Variants in UPK3B observed in about 807,000 individuals in gnomAD.
UPK3B encodes uroplakin 3B.
Under a neutral mutation model 27.6 loss-of-function variants are expected in UPK3B, and 21 were observed. That is an observed-to-expected ratio of 0.76 (90% confidence interval 0.54 to 1.10). UPK3B has a LOEUF of 1.10. Among genes scored for constraint, UPK3B ranks in the 50% least tolerant of loss-of-function variants. The pLI is 0.00. For missense variants in UPK3B, 306 were observed against 376.1 expected (o/e 0.81, Z 1.54); for synonymous variants, 141 against 162.3 (o/e 0.87, Z 1.00).
rs1014566485 is a variant in UPK3B at position 76,513,298 on chromosome 7, A to G, written c.541+135A>G. On this transcript the variant is annotated intron_variant, in intron 4 of 5. Transcript: ENST00000334348. ...CATGTCCAAGTCGGGCCCAGCCCCC[A>G]ACAGAACCTCATGCTGGGGGAGTGG... The G allele has an allele frequency of 7.0e-5, 57 of 818,766 alleles. No homozygotes were observed. In the African/African-American group the frequency reaches 9.4e-4, roughly 14 times the overall value. 50.7% of individuals were successfully genotyped at this position (818,766 alleles called of 1,614,324 possible). A position where few individuals can be genotyped will look rare whatever the true frequency, so the allele number is the denominator to read the frequency against.
Position 76,515,351 on chromosome 7 carries a change from A to T in UPK3B, c.*147A>T. On this transcript the variant is annotated 3_prime_UTR_variant, in exon 6 of 6. Coordinates refer to ENST00000334348, the MANE Select transcript of UPK3B (RefSeq NM_001347684.2). ...CACCCCGTACCCTGCCTGGAATCCC[A>T]GCACCAGCCCCCCTGCCTCTCCTCT... 1 of 1,494,542 alleles carries T rather than the reference A, an allele frequency of 6.7e-7. No individual in the cohort carries two copies. Among genetic ancestry groups the T allele is most frequent in the Non-Finnish European group, 8.9e-7 (1 of 1,122,548 alleles). 92.6% of individuals were successfully genotyped at this position (1,494,542 alleles called of 1,614,324 possible). A position where few individuals can be genotyped will look rare whatever the true frequency, so the allele number is the denominator to read the frequency against.
chr7:76,510,899 A>G lies in UPK3B; in HGVS notation c.86-4A>G. On this transcript the variant is annotated splice_polypyrimidine_tract_variant and splice_region_variant and intron_variant, in intron 1 of 5. Transcript: ENST00000334348. ...GGCTCACCTTTTGTCCCCCGTGGCC[A>G]CAGAGCTGGTGCCCTACACACCACA... 1 of 1,592,970 alleles carries G rather than the reference A, an allele frequency of 6.3e-7. No homozygotes were observed. The highest frequency in any genetic ancestry group is 1.1e-5 in the South Asian group (1 of 88,444).
At position 76,514,091 on chromosome 7, in the gene UPK3B, C is replaced by G. The variant is rs1250095512; in HGVS notation, c.671+15C>G. The G allele has an allele frequency of 3.7e-6, 6 of 1,613,942 alleles. No homozygotes were observed. The highest frequency in any genetic ancestry group is 1.1e-5 in the South Asian group (1 of 91,076). On this transcript the variant is annotated intron_variant, in intron 5 of 5. Transcript: ENST00000334348. ...ACCATGCGCTTGTGAGTGGGGACAC[C>G]CCCTCGGGCCCCTCTCCCACCCAGA... is the stretch of plus-strand genomic sequence containing the variant.
At position 76,515,363 on chromosome 7, in the gene UPK3B, C is replaced by G. The variant is rs1025750298; in HGVS notation, c.*159C>G. 19 of 1,496,854 alleles carry G rather than the reference C, an allele frequency of 1.3e-5. No individual in the cohort carries two copies. The highest frequency in any genetic ancestry group is 6.3e-5 in the Admixed American group (3 of 47,364). 92.7% of individuals were successfully genotyped at this position (1,496,854 alleles called of 1,614,324 possible). On this transcript the variant is annotated 3_prime_UTR_variant, in exon 6 of 6. Transcript: ENST00000334348. ...TGCCTGGAATCCCAGCACCAGCCCC[C>G]CTGCCTCTCCTCTGCCTTTCTGGTT...
chr7:76,513,931 G>C lies in UPK3B; in HGVS notation c.542-16G>C. On this transcript the variant is annotated splice_polypyrimidine_tract_variant and intron_variant, in intron 4 of 5. Coordinates refer to ENST00000334348, the MANE Select transcript of UPK3B (RefSeq NM_001347684.2). ...GGTCGAGGGGCAGCCCCTCTGAGCAGCTGGTGTGTGTGCAGGGAAGACCCC... is the reference window on the plus strand; with the variant it reads ...GGTCGAGGGGCAGCCCCTCTGAGCACCTGGTGTGTGTGCAGGGAAGACCCC... The C allele has an allele frequency of 1.2e-6, 2 of 1,613,392 alleles. No homozygotes were observed. The highest frequency in any genetic ancestry group is 1.3e-5 in the African/African-American group (1 of 74,856).
rs373543744 is a variant in UPK3B at position 76,511,678 on chromosome 7, C to T, written c.257C>T (p.Pro86Leu). The T allele has an allele frequency of 1.1e-5, 17 of 1,601,158 alleles. No homozygotes were observed. In the African/African-American group the frequency reaches 1.2e-4, roughly 11 times the overall value. ...GCAGCCTCCAGGGGCTTCCAGAACC[C>T]GGAGACACTGGCTGACATTCCGGCC... Reference protein sequence around the residue: ...FSNASRGFQNPETLADIPASP... With the variant: ...FSNASRGFQNLETLADIPASP... Residue 86 changes from proline to leucine, a missense_variant, in exon 3 of 6, where the codon CCG (proline) becomes CTG (leucine). By Grantham distance (98) the Pro-to-Leu change is moderately conservative (BLOSUM62 -3). Around this residue, in one of 4 missense-constraint regions of UPK3B, gnomAD observed 78 missense variants for 120.2 expected, o/e 0.65. Coordinates refer to ENST00000334348, the MANE Select transcript of UPK3B (RefSeq NM_001347684.2).
chr7:76,514,898 T>TC, intron 5 of UPK3B, 147 bp from the exon 6 acceptor site: 1 of 1,051,236 alleles, frequency 9.5e-7, no homozygotes, highest in East Asian at 2.7e-5. Context: ...AGAGCCAGAC[T>TC]CCATCTCAAA....
intron 3 of UPK3B, among the ~76,000 whole-genome samples, chr7:76,512,189 T>G: frequency 6.7e-6 from 1 of 148,534 alleles, no homozygotes; most frequent in Non-Finnish European, 1.5e-5. Flanking sequence ...GGCAGGAAAC[T>G]CGGGGGCCGA....
chr7:76,514,016 T>C lies in UPK3B; in HGVS notation c.611T>C (p.Ile204Thr), dbSNP rs1225288871. The C allele has an allele frequency of 2.5e-6, 4 of 1,613,758 alleles. No individual in the cohort carries two copies. The highest frequency in any genetic ancestry group is 3.4e-6 in the Non-Finnish European group (4 of 1,179,930). Reference sequence around the variant, plus strand: ...GGCAGCATGATCGTCATTACCTCCATCCTCTCTTCTCTGGCCGGCCTCCTA... The same window carrying C: ...GGCAGCATGATCGTCATTACCTCCACCCTCTCTTCTCTGGCCGGCCTCCTA... ...RSGSMIVITS[I>T]LSSLAGLLLL... Residue 204 changes from isoleucine (I) to threonine (T), a missense_variant, in exon 5 of 6, where the codon ATC becomes ACC. By Grantham distance (89) the Ile-to-Thr change is moderately conservative. Around this residue, in one of 4 missense-constraint regions of UPK3B, gnomAD observed 174 missense variants for 166.6 expected, o/e 1.04. Coordinates refer to ENST00000334348, the MANE Select transcript of UPK3B (RefSeq NM_001347684.2).
intron 2 of UPK3B, among the ~76,000 whole-genome samples, chr7:76,511,317 G>A (rs1442823191): frequency 2.6e-5 from 4 of 152,108 alleles, no homozygotes; most frequent in Non-Finnish European, 2.9e-5. Context: ...CTGAATCCAA[G>A]TAGTTCTTCC....
Position 76,510,694 on chromosome 7 carries a change from GCTC to G in UPK3B, c.48_50del (p.Leu17del). On this transcript the variant is annotated inframe_deletion, in exon 1 of 6. Transcript: ENST00000334348. ...GGCAGCCTCACCTAGGGCTGCAGAT[GCTC>G]CTCCTGGCGTTGAACTGTCTCCGGC... 4.7e-6 allele frequency: 7 copies of G among 1,502,404 alleles called. No individual in the cohort carries two copies. Among genetic ancestry groups the G allele is most frequent in the Non-Finnish European group, 6.2e-6 (7 of 1,123,426 alleles). The allele number at this position is 1,502,404 out of a possible 1,614,324, so 93.1% of individuals were successfully genotyped here.
chr7:76,514,816 G>A (rs1812668978), intron 5 of UPK3B, among the ~76,000 whole-genome samples: 1 of 150,960 alleles, frequency 6.6e-6, no homozygotes, highest in Non-Finnish European at 1.5e-5. Flanking sequence ...TGAGGCAGGA[G>A]AATCGTTTGA....
chr7:76,515,318 C>T lies in UPK3B; in HGVS notation c.*114C>T, dbSNP rs946101100. The T allele has an allele frequency of 3.3e-6, 5 of 1,520,022 alleles. No individual in the cohort carries two copies. Among genetic ancestry groups the T allele is most frequent in the Non-Finnish European group, 4.4e-6 (5 of 1,131,088 alleles). The allele number at this position is 1,520,022 out of a possible 1,614,324, so 94.2% of individuals were successfully genotyped here. The stretch of plus-strand genomic sequence containing the variant: ...CTCAGGGCTCCTTGCCTTTCCCCCC[C>T]ACCAGCACACCCCGTACCCTGCCTG... On this transcript the variant is annotated 3_prime_UTR_variant, in exon 6 of 6. Transcript: ENST00000334348.
chr7:76,514,524 T>C (rs1367588557), intron 5 of UPK3B, among the ~76,000 whole-genome samples: 1 of 152,102 alleles, frequency 6.6e-6, no homozygotes, highest in Non-Finnish European at 1.5e-5. Context: ...CTCTGGTGGT[T>C]TAGTAAGCTG....
chr7:76,514,331 C>A (rs1444821167), intron 5 of UPK3B, among the ~76,000 whole-genome samples: 1 of 152,090 alleles, frequency 6.6e-6, no homozygotes, highest in Admixed American at 6.5e-5. Context: ...GGGCAGCGCC[C>A]CTCCCAGGGC....
At chr7:76,510,773 A>T in intron 1 of UPK3B, 36 bp downstream of exon 1, 4 of 1,576,210 alleles carry the variant, frequency 2.5e-6, no homozygotes, top group Non-Finnish European at 2.6e-6. Context: ...GTCCAGCCAG[A>T]CCCAAGGGGC....
At position 76,514,144 on chromosome 7, in the gene UPK3B, C is replaced by T. The variant is rs1812645944; in HGVS notation, c.671+68C>T. On this transcript the variant is annotated intron_variant, in intron 5 of 5. Coordinates refer to ENST00000334348, the MANE Select transcript of UPK3B (RefSeq NM_001347684.2). Reference sequence around the variant, plus strand: ...CCCTCTGTTGAATTGGTCCCAGTGTCTGGAAGCCCTCCAGGCATGCCATGG... The same window carrying T: ...CCCTCTGTTGAATTGGTCCCAGTGTTTGGAAGCCCTCCAGGCATGCCATGG... 5 of 1,608,264 alleles carry T rather than the reference C, an allele frequency of 3.1e-6. No homozygotes were observed. The East Asian group carries it at 1.1e-4, about 36-fold the overall frequency.
At chr7:76,513,225 G>A (rs1812597865) in intron 4 of UPK3B, 62 bp downstream of exon 4, 2 of 1,494,666 alleles carry the variant, frequency 1.3e-6, no homozygotes, top group Admixed American at 3.5e-5. Flanking sequence ...GGCCGCCTCT[G>A]CTGAGCTGGC....
intron 4 of UPK3B, 57 bp from the exon 5 acceptor site, chr7:76,513,890 T>G (rs1483813742): frequency 6.2e-7 from 1 of 1,606,938 alleles, no homozygotes; most frequent in Non-Finnish European, 8.5e-7. Context: ...AGGGAGGAGA[T>G]GACAGCCAGC....
Sources: allele counts gnomAD v4.1 joint callset (sites outside exome capture counted in the v4.1 genomes callset), GRCh38; gene constraint gnomAD v4.1.1; regional missense constraint gnomAD v4.1.1; transcripts MANE v1.5; gene names NCBI Gene and HGNC (gene_info 2026-07-23, HGNC 2026-07-21).